The following SEMA3E variants were observed in gnomAD, a reference collection of about 807,000 sequenced individuals.
SEMA3E encodes semaphorin-3E.
A neutral mutation model predicts 93.6 loss-of-function variants in SEMA3E; 49 were observed. The observed-to-expected ratio is 0.52, with a 90% CI of 0.42 to 0.66. The LOEUF (loss-of-function observed/expected upper bound fraction) is 0.66. Among genes scored for constraint, SEMA3E ranks in the 30% least tolerant of loss-of-function variants. The probability of loss-of-function intolerance (pLI) is 0.00; values close to 1 mark genes in which losing one functional copy is unlikely to be tolerated. For missense variants in SEMA3E, 906 were observed against 964.8 expected (o/e 0.94, Z 0.81); for synonymous variants, 363 against 330.7 (o/e 1.10, Z -1.06).
intron 1 of SEMA3E, among the ~76,000 whole-genome samples, chr7:83,516,506 A>G (rs567494565): frequency 2.4e-4 from 36 of 152,226 alleles, no homozygotes; most frequent in African/African-American, 8.2e-4. Context: ...TGTAAATAAT[A>G]CTTAGCAAAT....
At chr7:83,371,192 C>G (rs1233280693) in intron 16 of SEMA3E, among the ~76,000 whole-genome samples, 1 of 152,156 alleles carries the variant, frequency 6.6e-6, no homozygotes, top group Non-Finnish European at 1.5e-5. Context: ...ATCATAGATT[C>G]TGAACCACTT....
At position 83,443,210 on chromosome 7, in the gene SEMA3E, G is replaced by A. The variant is rs566970093; in HGVS notation, c.456+23272C>T. Reference sequence around the variant, plus strand: ...CTTTGTACAGGACCTTTCTGACATGGTGACGGGGTATTGGATTGAAGAAGG... The same window carrying A: ...CTTTGTACAGGACCTTTCTGACATGATGACGGGGTATTGGATTGAAGAAGG... On this transcript the variant is annotated intron_variant, in intron 4 of 16. Coordinates refer to ENST00000643230, the MANE Select transcript of SEMA3E (RefSeq NM_012431.3). Among the ~76,000 whole-genome samples, 5 of 152,294 alleles carry A rather than the reference G, an allele frequency of 3.3e-5. No homozygotes were observed. In the South Asian group the frequency reaches 1.0e-3, roughly 32 times the overall value.
Position 83,466,593 on chromosome 7 carries a change from A to G in SEMA3E, c.345T>C (p.Cys115=). 1 of 1,613,510 alleles carries G rather than the reference A, an allele frequency of 6.2e-7. No individual in the cohort carries two copies. Among genetic ancestry groups the G allele is most frequent in the Non-Finnish European group, 8.5e-7 (1 of 1,179,974 alleles). Residue 115 remains cysteine, a synonymous_variant, in exon 4 of 17, where the codon TGT becomes TGC. Coordinates refer to ENST00000643230, the MANE Select transcript of SEMA3E (RefSeq NM_012431.3). ...GATGCAAAACCCGAACATAATTTGCACATTCACCCTAAAGCAGGAAAAAAA... is the reference window on the plus strand; with the variant it reads ...GATGCAAAACCCGAACATAATTTGCGCATTCACCCTAAAGCAGGAAAAAAA... The part of the protein sequence containing the change: ...CIMKGKDAGE[C]ANYVRVLHHY...
At chr7:83,429,138 G>A (rs924507459) in intron 4 of SEMA3E, among the ~76,000 whole-genome samples, 5 of 151,972 alleles carry the variant, frequency 3.3e-5, no homozygotes, top group African/African-American at 7.3e-5. Context: ...ATTTTCAAAC[G>A]TTTGTAAGTC....
intron 2 of SEMA3E, among the ~76,000 whole-genome samples, chr7:83,477,922 T>G (rs1790051695): frequency 9.1e-6 from 1 of 109,870 alleles, no homozygotes; most frequent in Non-Finnish European, 1.9e-5. Flanking sequence ...TAATGTAATT[T>G]TGGCTTTTTT....
chr7:83,609,588 C>A (rs915517445), intron 1 of SEMA3E, among the ~76,000 whole-genome samples: 1 of 151,830 alleles, frequency 6.6e-6, no homozygotes, highest in African/African-American at 2.4e-5. Context: ...TTAATCAATA[C>A]CACTCTCATT....
intron 1 of SEMA3E, among the ~76,000 whole-genome samples, chr7:83,551,104 T>C (rs1445036268): frequency 1.3e-5 from 2 of 152,104 alleles, no homozygotes; most frequent in Non-Finnish European, 2.9e-5. Flanking sequence ...TAATAGCCTT[T>C]GGAAAAGTGT....
chr7:83,384,462 A>G (rs991701598), intron 16 of SEMA3E, among the ~76,000 whole-genome samples: 4 of 148,038 alleles, frequency 2.7e-5, no homozygotes, highest in African/African-American at 9.9e-5. Flanking sequence ...TCATCATTTA[A>G]TATTCAATAT....
intron 2 of SEMA3E, among the ~76,000 whole-genome samples, chr7:83,483,277 G>A (rs1192756594): frequency 6.6e-6 from 1 of 152,112 alleles, no homozygotes; most frequent in African/African-American, 2.4e-5. Context: ...TTACTTTAGA[G>A]TTGTTGCAAT....
chr7:83,553,216 T>C lies in SEMA3E; in HGVS notation c.116-62942A>G, dbSNP rs191401721. Reference sequence around the variant, plus strand: ...TCGGCCAGCCGACACTTATGGAAAATAGAAAGAACCTACGTTGAAATATTG... The same window carrying C: ...TCGGCCAGCCGACACTTATGGAAAACAGAAAGAACCTACGTTGAAATATTG... On this transcript the variant is annotated intron_variant, in intron 1 of 16. Transcript: ENST00000643230. Among the ~76,000 whole-genome samples, 651 of 152,250 alleles carry C rather than the reference T, an allele frequency of 4.3e-3. 4 individuals are homozygous for C. Among genetic ancestry groups the C allele is most frequent in the Non-Finnish European group, 7.0e-3 (478 of 68,006 alleles).
chr7:83,507,437 TGTGTGTGTGTG>T (rs1197182858), intron 1 of SEMA3E, among the ~76,000 whole-genome samples: 1 of 111,784 alleles, frequency 8.9e-6, no homozygotes, highest in African/African-American at 4.0e-5. Context: ...TGTGTGTGTG[TGTGTGTGTGTG>T]TGTGTGTGTG....
At chr7:83,406,877 G>C (rs1788340093) in intron 7 of SEMA3E, among the ~76,000 whole-genome samples, 3 of 152,022 alleles carry the variant, frequency 2.0e-5, no homozygotes, top group African/African-American at 7.2e-5. Context: ...TTTCTTCTTG[G>C]TATAGCTTCA....
intron 1 of SEMA3E, among the ~76,000 whole-genome samples, chr7:83,540,201 G>A (rs1324045051): frequency 6.6e-6 from 1 of 152,030 alleles, no homozygotes; most frequent in East Asian, 1.9e-4. Context: ...TTTTTGAACG[G>A]TGTTGTAGAA....
chr7:83,387,737 T>C (rs972047483), intron 14 of SEMA3E, among the ~76,000 whole-genome samples: 1 of 150,648 alleles, frequency 6.6e-6, no homozygotes, highest in South Asian at 2.1e-4. Context: ...ATTTCTAGTA[T>C]TGTTTTAATT....
rs140866878 is a variant in SEMA3E at position 83,376,491 on chromosome 7, A to T, written c.1876-8453T>A. Among the ~76,000 whole-genome samples, 498 of 152,102 alleles carry T rather than the reference A, an allele frequency of 3.3e-3. 1 individual carries two copies. Among genetic ancestry groups the T allele is most frequent in the Admixed American group, 5.8e-3 (89 of 15,250 alleles). Reference sequence around the variant, plus strand: ...AAAATTATGTTTTATTTTAGACTATAGAAACTTAGCACAGAGGCAATGAAC... The same window carrying T: ...AAAATTATGTTTTATTTTAGACTATTGAAACTTAGCACAGAGGCAATGAAC... On this transcript the variant is annotated intron_variant, in intron 16 of 16. Transcript: ENST00000643230.
At chr7:83,553,867 T>C (rs1166605467) in intron 1 of SEMA3E, among the ~76,000 whole-genome samples, 2 of 152,154 alleles carry the variant, frequency 1.3e-5, no homozygotes, top group Non-Finnish European at 2.9e-5. Context: ...TTTTATTATG[T>C]AAATTTCCAA....
At chr7:83,389,059 A>C (rs1486329292) in intron 14 of SEMA3E, among the ~76,000 whole-genome samples, 4 of 151,870 alleles carry the variant, frequency 2.6e-5, no homozygotes, top group Non-Finnish European at 5.9e-5. Context: ...TTACCTAAAA[A>C]CCTGAGATTT....
chr7:83,575,500 T>C (rs1437809596), intron 1 of SEMA3E, among the ~76,000 whole-genome samples: 1 of 152,204 alleles, frequency 6.6e-6, no homozygotes, highest in African/African-American at 2.4e-5. Flanking sequence ...ATTAAAGTCA[T>C]TTTAATGTGC....
intron 1 of SEMA3E, among the ~76,000 whole-genome samples, chr7:83,538,853 G>A (rs1220093639): frequency 6.6e-6 from 1 of 152,128 alleles, no homozygotes; most frequent in African/African-American, 2.4e-5. Context: ...TCTGCTGAAG[G>A]TCAGCTACAC....
Sources: gnomAD v4.1 joint callset for allele counts (sites outside exome capture counted in the v4.1 genomes callset) on GRCh38, gnomAD v4.1.1 for gene constraint, MANE v1.5 for transcripts, NCBI Gene and HGNC (gene_info 2026-07-23, HGNC 2026-07-21) for gene names.